The following F9 variants were observed in gnomAD, a reference collection of about 807,000 sequenced individuals.
The protein encoded by F9 is Christmas factor.
Under a neutral mutation model 34.1 loss-of-function variants are expected in F9, and 2 were observed. The ratio of observed to expected loss-of-function variants is 0.06; its 90% CI spans 0.02 to 0.18. The LOEUF is 0.18. F9 is among the 10% of genes least tolerant of loss of function. F9 has a pLI of 1.00. For synonymous variants in F9, 137 were observed against 118.8 expected (o/e 1.15, Z -1.00); for missense variants, 216 against 345.1 (o/e 0.63, Z 2.96).
intron 4 of F9, among the ~76,000 whole-genome samples, chrX:139,546,577 T>C (rs1370127159): frequency 8.9e-6 from 1 of 111,844 alleles, no homozygotes; most frequent in Non-Finnish European, 1.9e-5. Context: ...GAAAAAATGA[T>C]TGTACATATA....
chrX:139,532,389 CT>C (rs1206856508), intron 1 of F9, among the ~76,000 whole-genome samples: 1 of 111,820 alleles, frequency 8.9e-6, no homozygotes, highest in African/African-American at 3.2e-5. Context: ...TGGCTGCTGC[CT>C]TTAGGTATTA....
In F9 at chrX:139,548,370, A is replaced by G. The variant is rs1296392687; in HGVS notation, c.399A>G (p.Thr133=). 4.1e-6 allele frequency: 5 copies of G among 1,208,664 alleles called. No homozygotes were observed. In the Admixed American group the frequency reaches 6.6e-5, roughly 16 times the overall value. Reference sequence around the variant, plus strand: ...CTATTTTGCTTCTTTTAGATGTAACATGTAACATTAAGAATGGCAGATGCG... The same window carrying G: ...CTATTTTGCTTCTTTTAGATGTAACGTGTAACATTAAGAATGGCAGATGCG... ...FEGKNCELDV[T]CNIKNGRCEQ... Residue 133 remains threonine, a synonymous_variant, in exon 5 of 8, where the codon ACA becomes ACG. Coordinates refer to ENST00000218099, the MANE Select transcript of F9 (RefSeq NM_000133.4).
chrX:139,545,766 C>T (rs1053263765), intron 4 of F9, among the ~76,000 whole-genome samples: 3 of 110,279 alleles, frequency 2.7e-5, no homozygotes, highest in African/African-American at 9.9e-5. Flanking sequence ...AAAATGTGGG[C>T]CACTGGAATG....
At chrX:139,536,978 TA>T (rs749406722) in intron 1 of F9, 31 bp from the exon 2 acceptor site, 3 of 1,168,977 alleles carry the variant, frequency 2.6e-6, no homozygotes, top group South Asian at 3.7e-5. Flanking sequence ...TCTTTTTTGC[TA>T]AAACTAAAGA....
At chrX:139,558,119 G>C (rs1262493189) in intron 6 of F9, among the ~76,000 whole-genome samples, 1 of 113,445 alleles carries the variant, frequency 8.8e-6, no homozygotes, top group Non-Finnish European at 1.9e-5. Context: ...CATGGGCATA[G>C]GAGCAGGGAG....
chrX:139,536,116 TCATA>T (rs1418247244), intron 1 of F9, among the ~76,000 whole-genome samples: 1 of 107,412 alleles, frequency 9.3e-6, no homozygotes, highest in Non-Finnish European at 1.9e-5. Flanking sequence ...AATGATTATC[TCATA>T]TATATATATA....
chrX:139,535,754 AAC>A (rs4149677), intron 1 of F9, among the ~76,000 whole-genome samples: 1,161 of 111,559 alleles, frequency 0.01, 10 homozygotes, highest in African/African-American at 0.036. Flanking sequence ...AAAACACACA[AAC>A]ACATGTGTGT....
chrX:139,553,346 GTTA>G (rs1927888137), intron 6 of F9, among the ~76,000 whole-genome samples: 1 of 111,536 alleles, frequency 9.0e-6, no homozygotes, highest in Non-Finnish European at 1.9e-5. Context: ...TGCAAGCACT[GTTA>G]TTATGCCTTC....
Position 139,562,116 on chromosome X carries a change from A to T in F9, c.*45A>T, listed in dbSNP as rs780223307. ...GTTAATTCATTGGAATTGAAAATTA[A>T]CAGGGCCTCTCACTAACTAATCACT... On this transcript the variant is annotated 3_prime_UTR_variant, in exon 8 of 8. Transcript: ENST00000218099. 9.3e-7 allele frequency: 1 copy of T among 1,079,762 alleles called. No homozygotes were observed. The highest frequency in any genetic ancestry group is 1.9e-5 in the South Asian group (1 of 53,346). 89.0% of individuals were successfully genotyped at this position (1,079,762 alleles called of 1,213,427 possible).
Position 139,562,182 on chromosome X carries a change from T to G in F9, c.*111T>G, listed in dbSNP as rs779418553. ...AGATTTGAATATATACATTCTATGA[T>G]CATTGCTTTTTCTCTTTACAGGGGA... On this transcript the variant is annotated 3_prime_UTR_variant, in exon 8 of 8. Coordinates refer to ENST00000218099, the MANE Select transcript of F9 (RefSeq NM_000133.4). The G allele has an allele frequency of 1.4e-6, 1 of 690,193 alleles. No individual in the cohort carries two copies. Among genetic ancestry groups the G allele is most frequent in the East Asian group, 3.5e-5 (1 of 28,924 alleles). 56.9% of individuals were successfully genotyped at this position (690,193 alleles called of 1,213,427 possible).
chrX:139,561,635 C>T lies in F9; in HGVS notation c.950C>T (p.Ala317Val), dbSNP rs2148367725. Residue 317 changes from alanine (A) to valine (V), a missense_variant, in exon 8 of 8, where the codon GCC becomes GTC. Around this residue, in one of 2 missense-constraint regions of F9, gnomAD observed 177 missense variants for 311.8 expected, o/e 0.57. Coordinates refer to ENST00000218099, the MANE Select transcript of F9 (RefSeq NM_000133.4). ...ATTAATAAGTACAACCATGACATTG[C>T]CCTTCTGGAACTGGACGAACCCTTA... ...AAINKYNHDI[A>V]LLELDEPLVL... 2.5e-6 allele frequency: 3 copies of T among 1,211,243 alleles called. No individual in the cohort carries two copies. The highest frequency in any genetic ancestry group is 2.2e-6 in the Non-Finnish European group (2 of 895,014).
chrX:139,536,260 T>C (rs1464581394), intron 1 of F9, among the ~76,000 whole-genome samples: 1 of 105,378 alleles, frequency 9.5e-6, no homozygotes, highest in African/African-American at 3.5e-5. Context: ...TACACACATA[T>C]ATGTATATAT....
At chrX:139,561,236 T>C (rs1178645621) in intron 7 of F9, among the ~76,000 whole-genome samples, 1 of 111,802 alleles carries the variant, frequency 8.9e-6, no homozygotes, top group Non-Finnish European at 1.9e-5. Flanking sequence ...GGGGTGAGGA[T>C]ACTTGAAATT....
rs1450707631 is a variant in F9 at position 139,561,985 on chromosome X, G to A, written c.1300G>A (p.Glu434Lys). 8.3e-7 allele frequency: 1 copy of A among 1,211,319 alleles called. No individual in the cohort carries two copies. The change falls in exon 8 of 8, where the codon GAG (glutamate) becomes AAG (lysine). Residue 434 changes from glutamate to lysine, a missense_variant. Glu to Lys is a moderately conservative substitution (Grantham distance 56). This residue lies in a region of F9 where 177 missense variants were observed against 311.8 expected (regional missense o/e 0.57). Coordinates refer to ENST00000218099, the MANE Select transcript of F9 (RefSeq NM_000133.4). ...FLTGIISWGEECAMKGKYGIY... is the reference protein window; with the variant it reads ...FLTGIISWGEKCAMKGKYGIY... ...AACTGGAATTATTAGCTGGGGTGAA[G>A]AGTGTGCAATGAAAGGCAAATATGG...
At position 139,562,127 on chromosome X, in the gene F9, C is replaced by G; in HGVS notation, c.*56C>G. ...GGAATTGAAAATTAACAGGGCCTCT[C>G]ACTAACTAATCACTTTCCCATCTTT... On this transcript the variant is annotated 3_prime_UTR_variant, in exon 8 of 8. Transcript: ENST00000218099. 1 of 1,000,126 alleles carries G rather than the reference C, an allele frequency of 1.0e-6. No homozygotes were observed. Among genetic ancestry groups the G allele is most frequent in the Non-Finnish European group, 1.4e-6 (1 of 706,865 alleles). 82.4% of individuals were successfully genotyped at this position (1,000,126 alleles called of 1,213,427 possible).
chrX:139,552,126 C>A lies in F9; in HGVS notation c.723+862C>A, dbSNP rs142983014. Among the ~76,000 whole-genome samples, 17 of 111,463 alleles carry A rather than the reference C, an allele frequency of 1.5e-4. No individual in the cohort carries two copies. In the East Asian group the frequency reaches 4.8e-3, roughly 32 times the overall value. ...GGAGAATCACCTGAGCCTGGAAAGT[C>A]GAGGCTGCAGTGAATTGTGATCACA... On this transcript the variant is annotated intron_variant, in intron 6 of 7. Coordinates refer to ENST00000218099, the MANE Select transcript of F9 (RefSeq NM_000133.4).
intron 1 of F9, among the ~76,000 whole-genome samples, chrX:139,533,084 G>A (rs990581395): frequency 1.8e-5 from 2 of 111,379 alleles, no homozygotes; most frequent in Non-Finnish European, 3.8e-5. Flanking sequence ...AATTATCTGC[G>A]GGAGACATAA....
At chrX:139,533,692 G>T (rs1373118910) in intron 1 of F9, among the ~76,000 whole-genome samples, 1 of 111,864 alleles carries the variant, frequency 8.9e-6, no homozygotes, top group Non-Finnish European at 1.9e-5. Context: ...AGTAAATTTT[G>T]TTGACAGGGT....
chrX:139,549,444 T>C (rs1320912198), intron 5 of F9, among the ~76,000 whole-genome samples: 2 of 110,761 alleles, frequency 1.8e-5, no homozygotes, highest in African/African-American at 6.6e-5. Flanking sequence ...AAATATAGAG[T>C]ATGGAGTGGG....
Sources: gnomAD v4.1 joint callset for allele counts (sites outside exome capture counted in the v4.1 genomes callset) on GRCh38, gnomAD v4.1.1 for gene constraint, gnomAD v4.1.1 regional missense constraint, MANE v1.5 for transcripts, NCBI Gene and HGNC (gene_info 2026-07-23, HGNC 2026-07-21) for gene names.